Variants in SCAPER observed in about 807,000 individuals in gnomAD.
The protein encoded by SCAPER is S-phase cyclin A associated protein in the ER, also known as S phase cyclin A-associated protein in the endoplasmic reticulum.
SCAPER carries 98 observed loss-of-function variants against 182.2 expected under a neutral mutation model. That is an observed-to-expected ratio of 0.54 (90% CI 0.46 to 0.64). The LOEUF (loss-of-function observed/expected upper bound fraction) is 0.64. SCAPER is among the 30% of genes least tolerant of loss of function. The probability of loss-of-function intolerance (pLI) is 0.00; values close to 1 mark genes in which losing one functional copy is unlikely to be tolerated. For missense variants in SCAPER, 1,432 were observed against 1,690.0 expected (o/e 0.85, Z 2.68); for synonymous variants, 605 against 564.6 (o/e 1.07, Z -1.01).
At chr15:76,380,585 A>G (rs1358967239) in intron 28 of SCAPER, 3 of 152,328 alleles carry the variant, frequency 2.0e-5, no homozygotes, top group Middle Eastern at 6.8e-3. Context: ...AAAGCAATTC[A>G]TCTAAATTAT....
At chr15:76,559,444 C>T (rs1420800064) in intron 23 of SCAPER, among the ~76,000 whole-genome samples, 1 of 152,042 alleles carries the variant, frequency 6.6e-6, no homozygotes, top group Non-Finnish European at 1.5e-5. Flanking sequence ...CTTGCTTCCC[C>T]TTTGCCTTCT....
Position 76,538,459 on chromosome 15 carries a change from C to T in SCAPER, c.2839-33485G>A, listed in dbSNP as rs533373351. ...GAAATCATCATTCTCAGTAAACTAT[C>T]GCAAGGACAAAAAACCAAACACTGC... On this transcript the variant is annotated intron_variant, in intron 23 of 31. Coordinates refer to ENST00000563290, the MANE Select transcript of SCAPER (RefSeq NM_020843.4). Among the ~76,000 whole-genome samples, 14 of 151,698 alleles carry T rather than the reference C, an allele frequency of 9.2e-5. No individual in the cohort carries two copies. The East Asian group carries it at 1.9e-3, about 21-fold the overall frequency.
At chr15:76,574,544 C>T (rs990219021) in intron 22 of SCAPER, among the ~76,000 whole-genome samples, 11 of 152,030 alleles carry the variant, frequency 7.2e-5, no homozygotes, top group Non-Finnish European at 1.2e-4. Flanking sequence ...GCAATTGATG[C>T]CTTTAGTTTC....
chr15:76,810,083 C>T (rs1047292444), intron 5 of SCAPER, among the ~76,000 whole-genome samples: 7 of 152,074 alleles, frequency 4.6e-5, no homozygotes, highest in Non-Finnish European at 8.8e-5. Context: ...CACTACTATA[C>T]TTGATTTACA....
intron 20 of SCAPER, among the ~76,000 whole-genome samples, chr15:76,677,790 T>C (rs1036406452): frequency 1.3e-5 from 2 of 151,214 alleles, no homozygotes; most frequent in Admixed American, 6.6e-5. Context: ...AAATAATTCA[T>C]ACTCAGGTTT....
At chr15:76,843,097 T>C (rs888740657) in intron 4 of SCAPER, among the ~76,000 whole-genome samples, 25 of 152,246 alleles carry the variant, frequency 1.6e-4, no homozygotes, top group African/African-American at 5.3e-4. Flanking sequence ...TTTATGAATT[T>C]ATAACACATC....
chr15:76,821,256 A>C (rs955766710), intron 5 of SCAPER, among the ~76,000 whole-genome samples: 1 of 152,248 alleles, frequency 6.6e-6, no homozygotes, highest in African/African-American at 2.4e-5. Flanking sequence ...ATGAATAAAC[A>C]AACTGTGGTA....
intron 17 of SCAPER, among the ~76,000 whole-genome samples, chr15:76,721,784 G>T (rs988594237): frequency 6.6e-6 from 1 of 152,140 alleles, no homozygotes; most frequent in Non-Finnish European, 1.5e-5. Flanking sequence ...TTTGTATCCT[G>T]AGACTTTGCT....
At chr15:76,831,111 G>A (rs1036727881) in intron 5 of SCAPER, among the ~76,000 whole-genome samples, 1 of 152,156 alleles carries the variant, frequency 6.6e-6, no homozygotes, top group African/African-American at 2.4e-5. Context: ...GGAGCCCAGA[G>A]GGTTAGGCAT....
Position 76,603,322 on chromosome 15 carries a change from A to G in SCAPER, c.2711+18442T>C, listed in dbSNP as rs1163729795. The stretch of plus-strand genomic sequence containing the variant: ...TTGCGATAGTTTGCTGAGAATGATG[A>G]TTTCCAATTTCATCCATGTCCCTAC... On this transcript the variant is annotated intron_variant, in intron 22 of 31. Coordinates refer to ENST00000563290, the MANE Select transcript of SCAPER (RefSeq NM_020843.4). 5.0e-5 allele frequency among the ~76,000 whole-genome samples: 6 copies of G among 119,384 alleles called. 1 individual carries two copies. The highest frequency in any genetic ancestry group is 1.0e-4 in the Non-Finnish European group (5 of 49,350). The allele number at this position is 119,384 out of a possible 152,430, so 78.3% of individuals were successfully genotyped here. A position where few individuals can be genotyped will look rare whatever the true frequency, so the allele number is the denominator to read the frequency against.
intron 17 of SCAPER, among the ~76,000 whole-genome samples, chr15:76,709,320 G>C (rs1428924616): frequency 6.6e-6 from 1 of 152,014 alleles, no homozygotes; most frequent in East Asian, 1.9e-4. Context: ...ATTTTTAGTA[G>C]AGATGGGGTT....
intron 4 of SCAPER, among the ~76,000 whole-genome samples, chr15:76,856,846 C>A (rs1158557594): frequency 6.6e-6 from 1 of 151,572 alleles, no homozygotes. Flanking sequence ...TCAGCCTGGG[C>A]AACAGTGAGA....
chr15:76,889,755 A>G (rs1454370598), intron 1 of SCAPER, among the ~76,000 whole-genome samples: 3 of 152,220 alleles, frequency 2.0e-5, no homozygotes, highest in Non-Finnish European at 4.4e-5. Flanking sequence ...AGTATTAGAC[A>G]GATTAATGAG....
intron 2 of SCAPER, among the ~76,000 whole-genome samples, chr15:76,878,297 T>C (rs998586462): frequency 1.3e-5 from 2 of 152,258 alleles, no homozygotes; most frequent in East Asian, 1.9e-4. Context: ...AATGGGGCAA[T>C]TGGTAAATCT....
chr15:76,460,222 G>A (rs528502688), intron 25 of SCAPER, among the ~76,000 whole-genome samples: 4 of 151,690 alleles, frequency 2.6e-5, no homozygotes, highest in Admixed American at 6.6e-5. Context: ...ATCTTTCCTC[G>A]GTCCTCATCA....
chr15:76,805,276 G>T (rs1354339552), intron 5 of SCAPER, among the ~76,000 whole-genome samples: 1 of 152,026 alleles, frequency 6.6e-6, no homozygotes, highest in Non-Finnish European at 1.5e-5. Flanking sequence ...ATTCTCTTGG[G>T]TATATACTTA....
chr15:76,763,043 C>G (rs974399799), intron 14 of SCAPER, among the ~76,000 whole-genome samples: 5 of 152,166 alleles, frequency 3.3e-5, no homozygotes, highest in African/African-American at 4.8e-5. Context: ...TGTACATTTA[C>G]TCCTGAGCTT....
chr15:76,713,555 T>C (rs1275478100), intron 17 of SCAPER, among the ~76,000 whole-genome samples: 1 of 151,664 alleles, frequency 6.6e-6, no homozygotes, highest in Non-Finnish European at 1.5e-5. Context: ...CGCATGTTCT[T>C]ACTCATAGGT....
chr15:76,858,479 T>G lies in SCAPER; in HGVS notation c.125-600A>C, dbSNP rs2048529. Among the ~76,000 whole-genome samples, 5 of 152,294 alleles carry G rather than the reference T, an allele frequency of 3.3e-5. No individual in the cohort carries two copies. The South Asian group carries it at 1.0e-3, about 32-fold the overall frequency. ...TAAAATTCTTTTTTTTTTCTTTTAT[T>G]TTAGGTACAGGGGTACATGTGCAGG... On this transcript the variant is annotated intron_variant, in intron 3 of 31. Transcript: ENST00000563290.
Sources: allele counts gnomAD v4.1 joint callset (sites outside exome capture counted in the v4.1 genomes callset), GRCh38; gene constraint gnomAD v4.1.1; transcripts MANE v1.5; gene names NCBI Gene and HGNC (gene_info 2026-07-23, HGNC 2026-07-21).